The following CDH6 variants were observed in gnomAD, a reference collection of about 807,000 sequenced individuals.
CDH6 encodes the protein cadherin 6, also known as cadherin-6.
In CDH6, 31 loss-of-function variants were observed where a neutral mutation model predicts 78.0. That is an observed-to-expected ratio of 0.40 (90% CI 0.30 to 0.54). The LOEUF is 0.54. CDH6 is among the 20% of genes least tolerant of loss of function. The pLI is 0.56. For synonymous variants in CDH6, 376 were observed against 368.8 expected (o/e 1.02, Z -0.23); for missense variants, 724 against 975.9 (o/e 0.74, Z 3.44).
intron 8 of CDH6, 84 bp downstream of exon 8, chr5:31,313,538 A>G (rs1738214757): frequency 2.3e-6 from 3 of 1,277,058 alleles, no homozygotes; most frequent in Admixed American, 1.9e-5. Context: ...GCTTGTCACC[A>G]TGTATTGACA....
At chr5:31,266,629 C>A (rs554309401) in intron 1 of CDH6, among the ~76,000 whole-genome samples, 2 of 124,814 alleles carry the variant, frequency 1.6e-5, no homozygotes, top group African/African-American at 6.0e-5. Context: ...ATTATTAGGT[C>A]CTCTAAGGAA....
At chr5:31,220,249 A>G (rs1160237798) in intron 1 of CDH6, among the ~76,000 whole-genome samples, 1 of 152,202 alleles carries the variant, frequency 6.6e-6, no homozygotes, top group Non-Finnish European at 1.5e-5. Context: ...AATGTTGTTC[A>G]TGTTGCCAAA....
chr5:31,206,017 T>C (rs1053334913), intron 1 of CDH6, among the ~76,000 whole-genome samples: 1 of 152,206 alleles, frequency 6.6e-6, no homozygotes, highest in Non-Finnish European at 1.5e-5. Context: ...CATAGTTGGT[T>C]CTTTTTGGAG....
chr5:31,284,139 C>T (rs1163227724), intron 2 of CDH6, among the ~76,000 whole-genome samples: 1 of 152,092 alleles, frequency 6.6e-6, no homozygotes, highest in Admixed American at 6.6e-5. Flanking sequence ...CTTTTCAAGC[C>T]CATTTTGTAG....
chr5:31,231,149 C>CT, intron 1 of CDH6, among the ~76,000 whole-genome samples: 2 of 151,980 alleles, frequency 1.3e-5, no homozygotes, highest in Non-Finnish European at 2.9e-5. Flanking sequence ...ATTTAGAGGC[C>CT]AAATGTTCAA....
At chr5:31,215,671 G>C (rs538509268) in intron 1 of CDH6, among the ~76,000 whole-genome samples, 2 of 152,164 alleles carry the variant, frequency 1.3e-5, no homozygotes, top group East Asian at 3.9e-4. Context: ...ACGGAATCAA[G>C]TCTAAGAGCC....
chr5:31,204,865 C>G (rs1740470100), intron 1 of CDH6, among the ~76,000 whole-genome samples: 1 of 152,192 alleles, frequency 6.6e-6, no homozygotes, highest in African/African-American at 2.4e-5. Context: ...AAGATTCTGA[C>G]TACCAAGGAG....
At chr5:31,300,646 T>C (rs1367473372) in intron 5 of CDH6, among the ~76,000 whole-genome samples, 1 of 152,180 alleles carries the variant, frequency 6.6e-6, no homozygotes, top group African/African-American at 2.4e-5. Context: ...CTTTTTAATA[T>C]GGAGATTCCC....
chr5:31,269,120 G>A (rs575871013), intron 2 of CDH6, among the ~76,000 whole-genome samples: 20 of 152,234 alleles, frequency 1.3e-4, no homozygotes, highest in African/African-American at 4.8e-4. Flanking sequence ...AATCTTTAAA[G>A]CACTTTTTAC....
rs535686467 is a variant in CDH6 at position 31,243,434 on chromosome 5, C to T, written c.-128-23912C>T. Among the ~76,000 whole-genome samples, 143 of 152,274 alleles carry T rather than the reference C, an allele frequency of 9.4e-4. 1 individual carries two copies. Among genetic ancestry groups the T allele is most frequent in the African/African-American group, 3.3e-3 (139 of 41,552 alleles). On this transcript the variant is annotated intron_variant, in intron 1 of 11. Transcript: ENST00000265071. ...TGGGGTTTCAGAATATTCAGCTCATCGGAATCTTCAGTGTTTCTGAAGATT... is the reference window on the plus strand; with the variant it reads ...TGGGGTTTCAGAATATTCAGCTCATTGGAATCTTCAGTGTTTCTGAAGATT...
intron 1 of CDH6, among the ~76,000 whole-genome samples, chr5:31,199,955 G>C (rs1326310797): frequency 3.3e-5 from 5 of 151,610 alleles, no homozygotes; most frequent in African/African-American, 1.2e-4. Context: ...ATCTCTGTTT[G>C]AGCCAAGCAC....
At chr5:31,246,317 T>A (rs1053374547) in intron 1 of CDH6, among the ~76,000 whole-genome samples, 6 of 152,156 alleles carry the variant, frequency 3.9e-5, no homozygotes, top group African/African-American at 1.4e-4. Context: ...AGAAATTTGT[T>A]TTCTGCATCC....
Position 31,326,455 on chromosome 5 carries a change from A to G in CDH6, c.*3147A>G, listed in dbSNP as rs1738626010. ...TAAACCAAATGGGAAAGAAGCAAAG[A>G]TTATTCCATAGAACCACAAGAGAGG... On this transcript the variant is annotated 3_prime_UTR_variant, in exon 12 of 12. Transcript: ENST00000265071. The G allele has an allele frequency of 5.0e-6, 1 of 201,668 alleles. No individual in the cohort carries two copies. The highest frequency in any genetic ancestry group is 6.0e-5 in the Admixed American group (1 of 16,658). 12.5% of individuals were successfully genotyped at this position (201,668 alleles called of 1,614,324 possible).
Position 31,324,587 on chromosome 5 carries a change from A to G in CDH6, c.*1279A>G, listed in dbSNP as rs1215876952. The G allele has an allele frequency of 4.7e-6, 1 of 211,958 alleles. No homozygotes were observed. The highest frequency in any genetic ancestry group is 7.1e-5 in the East Asian group (1 of 14,052). The allele number at this position is 211,958 out of a possible 1,614,324, so 13.1% of individuals were successfully genotyped here. On this transcript the variant is annotated 3_prime_UTR_variant, in exon 12 of 12. Coordinates refer to ENST00000265071, the MANE Select transcript of CDH6 (RefSeq NM_004932.4). Reference sequence around the variant, plus strand: ...AAAATGATAGTTGATTTTCAAAAGCATTAATTTTTTTTCATTGTTTTTAAC... The same window carrying G: ...AAAATGATAGTTGATTTTCAAAAGCGTTAATTTTTTTTCATTGTTTTTAAC...
At chr5:31,257,389 T>C (rs544537403) in intron 1 of CDH6, among the ~76,000 whole-genome samples, 119 of 152,324 alleles carry the variant, frequency 7.8e-4, no homozygotes, top group Non-Finnish European at 1.3e-3. Flanking sequence ...GGTCCCGATC[T>C]CCTGACCTCG....
chr5:31,273,178 T>C (rs1015588898), intron 2 of CDH6, among the ~76,000 whole-genome samples: 17 of 152,236 alleles, frequency 1.1e-4, no homozygotes, highest in African/African-American at 3.9e-4. Flanking sequence ...ATTTTATCCG[T>C]TCTGAAAGGT....
chr5:31,302,330 G>A, intron 6 of CDH6, 32 bp downstream of exon 6: 1 of 1,514,554 alleles, frequency 6.6e-7, no homozygotes, highest in Non-Finnish European at 9.0e-7. Flanking sequence ...CATACAGAGT[G>A]AACCCATTTA....
chr5:31,218,593 T>A (rs1191481338), intron 1 of CDH6, among the ~76,000 whole-genome samples: 1 of 152,164 alleles, frequency 6.6e-6, no homozygotes, highest in Non-Finnish European at 1.5e-5. Flanking sequence ...GAGCCCCACA[T>A]TCAGCCCATC....
intron 2 of CDH6, among the ~76,000 whole-genome samples, chr5:31,272,636 A>G (rs985516620): frequency 6.6e-6 from 1 of 152,234 alleles, no homozygotes. Context: ...CTTTAGGCAG[A>G]AGATTTGCAC....
Sources: allele counts gnomAD v4.1 joint callset (sites outside exome capture counted in the v4.1 genomes callset), GRCh38; gene constraint gnomAD v4.1.1; transcripts MANE v1.5; gene names NCBI Gene and HGNC (gene_info 2026-07-23, HGNC 2026-07-21).